The following EML6 variants were observed in gnomAD, a reference collection of about 807,000 sequenced individuals.
The protein encoded by EML6 is EMAP like 6, also known as echinoderm microtubule-associated protein-like 6.
In EML6, 154 loss-of-function variants were observed where a neutral mutation model predicts 240.1. The observed-to-expected ratio is 0.64, with a 90% CI of 0.56 to 0.73. The LOEUF is 0.73. EML6 is among the 30% of genes least tolerant of loss of function. EML6 has a pLI of 0.00. For synonymous variants in EML6, 1,148 were observed against 899.0 expected (o/e 1.28, Z -4.95); for missense variants, 2,964 against 2,474.6 (o/e 1.20, Z -4.20).
intron 2 of EML6, among the ~76,000 whole-genome samples, chr2:54,781,326 A>G (rs1011259329): frequency 2.0e-5 from 3 of 152,204 alleles, no homozygotes; most frequent in Non-Finnish European, 4.4e-5. Context: ...TCTGTGGCCA[A>G]TAAATCGCAT....
chr2:54,938,822 C>A (rs749362999), intron 28 of EML6, among the ~76,000 whole-genome samples: 2 of 152,148 alleles, frequency 1.3e-5, no homozygotes, highest in Non-Finnish European at 2.9e-5. Context: ...GAGATTGGCA[C>A]TGGGGAAAAT....
chr2:54,808,032 G>C (rs150480933), intron 2 of EML6, among the ~76,000 whole-genome samples: 62 of 152,308 alleles, frequency 4.1e-4, no homozygotes, highest in Non-Finnish European at 6.2e-4. Context: ...TCCAGTTTTA[G>C]GGACCCCCCC....
At chr2:54,790,043 C>T (rs977612220) in intron 2 of EML6, among the ~76,000 whole-genome samples, 2 of 152,116 alleles carry the variant, frequency 1.3e-5, no homozygotes, top group African/African-American at 4.8e-5. Context: ...GTAACCTGTA[C>T]AAGAGGGAGA....
chr2:54,911,022 C>T lies in EML6; in HGVS notation c.3478C>T (p.His1160Tyr). The T allele has an allele frequency of 6.5e-7, 1 of 1,529,782 alleles. No homozygotes were observed. Among genetic ancestry groups the T allele is most frequent in the South Asian group, 1.2e-5 (1 of 82,134 alleles). 94.8% of individuals were successfully genotyped at this position (1,529,782 alleles called of 1,614,324 possible). Residue 1160 changes from histidine to tyrosine, a missense_variant, in exon 25 of 42, where the codon CAT becomes TAT. Physicochemically the swap from His to Tyr is moderately conservative, Grantham distance 83 (BLOSUM62 2). Coordinates refer to ENST00000356458, the MANE Select transcript of EML6 (RefSeq NM_001039753.4). Reference protein sequence around the residue: ...LFFEAPRGKRHIIRPSEIEKI... With the variant: ...LFFEAPRGKRYIIRPSEIEKI... ...TTTTGAAGCTCCAAGAGGCAAACGG[C>T]ATATAATAAGACCTTCAGAGGTAAT...
chr2:54,776,011 T>C (rs1260762284), intron 2 of EML6, among the ~76,000 whole-genome samples: 1 of 152,204 alleles, frequency 6.6e-6, no homozygotes, highest in African/African-American at 2.4e-5. Flanking sequence ...CTATTTAATA[T>C]TGGCAAGTAA....
chr2:54,859,585 G>T lies in EML6; in HGVS notation c.1709G>T (p.Arg570Leu). Reference protein sequence around the residue: ...VGHSAHVTNVRWSHDFQWVLS... With the variant: ...VGHSAHVTNVLWSHDFQWVLS... ...CATTCTGCACATGTCACAAATGTCC[G>T]CTGGTCCCATGACTTTCAGTGGGTG... The change falls in exon 12 of 42, where the codon CGC becomes CTC. Residue 570 changes from arginine (R) to leucine (L), a missense_variant. Transcript: ENST00000356458. The T allele has an allele frequency of 6.4e-7, 1 of 1,551,286 alleles. No homozygotes were observed. The highest frequency in any genetic ancestry group is 1.2e-5 in the South Asian group (1 of 83,986).
intron 2 of EML6, among the ~76,000 whole-genome samples, chr2:54,773,875 T>G (rs1668494874): frequency 1.3e-5 from 2 of 152,234 alleles, no homozygotes; most frequent in African/African-American, 4.8e-5. Context: ...AGCATAAGCT[T>G]TGGAGTCAGA....
chr2:54,905,495 A>G (rs1673280511), intron 24 of EML6, among the ~76,000 whole-genome samples: 1 of 152,104 alleles, frequency 6.6e-6, no homozygotes, highest in Non-Finnish European at 1.5e-5. Context: ...ATATAGAGTA[A>G]ATTTTGACTG....
intron 16 of EML6, among the ~76,000 whole-genome samples, chr2:54,874,927 C>G (rs1363328699): frequency 6.6e-6 from 1 of 152,282 alleles, no homozygotes; most frequent in African/African-American, 2.4e-5. Flanking sequence ...GAACCCAGGT[C>G]CATTGTGAGA....
In EML6 at chr2:54,958,165, C is replaced by T. The variant is rs757906066; in HGVS notation, c.4695+167C>T. Among the ~76,000 whole-genome samples, 41 of 152,130 alleles carry T rather than the reference C, an allele frequency of 2.7e-4. 1 individual carries two copies. The highest frequency in any genetic ancestry group is 7.3e-5 in the Non-Finnish European group (5 of 68,028). Reference sequence around the variant, plus strand: ...TGCAACCACTGTTCCTTTTCTGTAGCACATATGGGTGGGTTGGCAACATAC... The same window carrying T: ...TGCAACCACTGTTCCTTTTCTGTAGTACATATGGGTGGGTTGGCAACATAC... On this transcript the variant is annotated intron_variant, in intron 33 of 41. Transcript: ENST00000356458.
At chr2:54,954,954 C>CTCTT (rs1447979393) in intron 32 of EML6, among the ~76,000 whole-genome samples, 25 of 152,220 alleles carry the variant, frequency 1.6e-4, no homozygotes, top group African/African-American at 5.8e-4. Context: ...GTCCCATTAT[C>CTCTT]TCTGCATCTT....
rs111232633 is a variant in EML6 at position 54,767,597 on chromosome 2, A to AGTGTGTGTGTGTGT, written c.197+42360_197+42373dup. Among the ~76,000 whole-genome samples, 75 of 145,608 alleles carry AGTGTGTGTGTGTGT rather than the reference A, an allele frequency of 5.2e-4. 1 individual carries two copies. Among genetic ancestry groups the AGTGTGTGTGTGTGT allele is most frequent in the African/African-American group, 1.7e-3 (66 of 38,984 alleles). Reference sequence around the variant, plus strand: ...TATACAGTAATTAAGTGGTATGAAGAGTGTGTGTGTGTGTGTGTGTGTGTG... The same window carrying AGTGTGTGTGTGTGT: ...TATACAGTAATTAAGTGGTATGAAGAGTGTGTGTGTGTGTGTGTGTGTGTGTGTGTGTGTGTGTG... On this transcript the variant is annotated intron_variant, in intron 2 of 41. Transcript: ENST00000356458.
chr2:54,857,335 C>A (rs997780397), intron 11 of EML6, among the ~76,000 whole-genome samples: 1 of 152,120 alleles, frequency 6.6e-6, no homozygotes, highest in African/African-American at 2.4e-5. Flanking sequence ...GGGCTGAGGC[C>A]TGAGCCCTCC....
At chr2:54,796,617 C>T (rs1172863201) in intron 2 of EML6, among the ~76,000 whole-genome samples, 1 of 151,738 alleles carries the variant, frequency 6.6e-6, no homozygotes, top group African/African-American at 2.4e-5. Context: ...TGCTTGCATA[C>T]ACGAGCGCAC....
intron 36 of EML6, among the ~76,000 whole-genome samples, chr2:54,963,603 G>T (rs955100206): frequency 2.6e-5 from 4 of 152,196 alleles, no homozygotes; most frequent in Admixed American, 2.6e-4. Flanking sequence ...ACAGTTAAAG[G>T]CCAGATCGGG....
chr2:54,861,732 T>C (rs1479389177), intron 12 of EML6, among the ~76,000 whole-genome samples: 1 of 151,262 alleles, frequency 6.6e-6, no homozygotes, highest in Non-Finnish European at 1.5e-5. Flanking sequence ...CCTTCTCCTA[T>C]ACAAGGCCAG....
chr2:54,757,897 T>A (rs1312192647), intron 2 of EML6, among the ~76,000 whole-genome samples: 1 of 151,084 alleles, frequency 6.6e-6, no homozygotes, highest in Admixed American at 6.6e-5. Context: ...TTTTTTTTTT[T>A]CTTCAAGGTT....
chr2:54,915,579 G>C (rs1049107892), intron 25 of EML6, among the ~76,000 whole-genome samples: 5 of 152,094 alleles, frequency 3.3e-5, no homozygotes, highest in Non-Finnish European at 7.4e-5. Flanking sequence ...ACCAGATTCA[G>C]ATTTTTGTTT....
At chr2:54,809,319 C>A (rs1287778562) in intron 2 of EML6, among the ~76,000 whole-genome samples, 1 of 152,162 alleles carries the variant, frequency 6.6e-6, no homozygotes, top group African/African-American at 2.4e-5. Context: ...TGACAAGAAG[C>A]CCAAGGTAGA....
Sources: gnomAD v4.1 joint callset for allele counts (sites outside exome capture counted in the v4.1 genomes callset) on GRCh38, gnomAD v4.1.1 for gene constraint, MANE v1.5 for transcripts, NCBI Gene and HGNC (gene_info 2026-07-23, HGNC 2026-07-21) for gene names.